CMIP: variants seen among roughly 807,000 people sequenced by gnomAD.
CMIP encodes the protein c-Maf inducing protein, also known as C-Maf-inducing protein.
In CMIP, 13 loss-of-function variants were observed where a neutral mutation model predicts 97.3. The observed-to-expected ratio is 0.13, with a 90% CI of 0.09 to 0.21. The LOEUF (loss-of-function observed/expected upper bound fraction) is 0.21. Ranked by LOEUF, CMIP falls within the 10% of genes least tolerant of loss-of-function variation. The pLI is 1.00. For missense variants in CMIP, 847 were observed against 1,024.9 expected, an observed-to-expected ratio of 0.83 and a Z score of 2.37; for synonymous variants, 538 against 436.3, an observed-to-expected ratio of 1.23 and a Z score of -2.91.
At chr16:81,669,281 A>T (rs2092652756) in intron 7 of CMIP, among the ~76,000 whole-genome samples, 1 of 76,860 alleles carries the variant, frequency 1.3e-5, no homozygotes, top group African/African-American at 5.6e-5. Context: ...CATCCACCTC[A>T]CACCTCCACA....
At position 81,683,438 on chromosome 16, in the gene CMIP, C is replaced by T. The variant is rs1156848289; in HGVS notation, c.1388+4810C>T. On this transcript the variant is annotated intron_variant, in intron 10 of 20. Coordinates refer to ENST00000537098, the MANE Select transcript of CMIP (RefSeq NM_198390.3). The stretch of plus-strand genomic sequence containing the variant: ...CTGGGAGGCAGGGCCAGGGGACATC[C>T]TGTATTACCTGCAGTAGTTCCGCTC... Among the ~76,000 whole-genome samples the T allele has an allele frequency of 3.3e-5, 5 of 152,266 alleles. No individual in the cohort carries two copies. In the East Asian group the frequency reaches 9.6e-4, roughly 29 times the overall value.
Position 81,512,225 on chromosome 16 carries a change from G to A in CMIP, c.300+66684G>A, listed in dbSNP as rs539282175. ...TTGGTTGATTTGGATTAAAATTTTC[G>A]GCATGATTCCTCTCTAGGTAGGTGT... On this transcript the variant is annotated intron_variant, in intron 1 of 20. Transcript: ENST00000537098. Among the ~76,000 whole-genome samples, 8 of 152,116 alleles carry A rather than the reference G, an allele frequency of 5.3e-5. No individual in the cohort carries two copies. The South Asian group carries it at 1.2e-3, about 24-fold the overall frequency.
intron 6 of CMIP, among the ~76,000 whole-genome samples, chr16:81,663,331 A>T (rs542624643): frequency 6.6e-6 from 1 of 152,098 alleles, no homozygotes; most frequent in East Asian, 1.9e-4. Flanking sequence ...GACCACGAAG[A>T]GAAAGGGGGA....
chr16:81,653,323 C>T (rs2092449514), intron 4 of CMIP, among the ~76,000 whole-genome samples: 1 of 152,204 alleles, frequency 6.6e-6, no homozygotes, highest in African/African-American at 2.4e-5. Flanking sequence ...TCTGCAGGCC[C>T]ACACTGGCCG....
At chr16:81,568,125 G>A (rs1253097540) in intron 1 of CMIP, among the ~76,000 whole-genome samples, 1 of 151,124 alleles carries the variant, frequency 6.6e-6, no homozygotes, top group African/African-American at 2.4e-5. Flanking sequence ...AGGTCCAGAG[G>A]GACCAGGGCC....
chr16:81,538,294 A>G (rs555104175), intron 1 of CMIP, among the ~76,000 whole-genome samples: 3 of 152,162 alleles, frequency 2.0e-5, no homozygotes, highest in Non-Finnish European at 2.9e-5. Flanking sequence ...CACTTAAGAC[A>G]TAGGCGGCCC....
chr16:81,496,074 G>A (rs1166639637), intron 1 of CMIP, among the ~76,000 whole-genome samples: 1 of 152,178 alleles, frequency 6.6e-6, no homozygotes, highest in Admixed American at 6.5e-5. Flanking sequence ...TGAAGATGCT[G>A]TGAATCCAGG....
intron 10 of CMIP, among the ~76,000 whole-genome samples, chr16:81,681,937 G>A (rs755878077): frequency 2.0e-5 from 3 of 152,146 alleles, no homozygotes; most frequent in Admixed American, 6.5e-5. Context: ...AGCCTGGTGC[G>A]GTGGCTCACG....
intron 1 of CMIP, among the ~76,000 whole-genome samples, chr16:81,496,541 T>C (rs2089494417): frequency 6.6e-6 from 1 of 152,362 alleles, no homozygotes; most frequent in South Asian, 2.1e-4. Flanking sequence ...TTTCATCCAG[T>C]GATAAAACCC....
rs1474565814 is a variant in CMIP at position 81,623,619 on chromosome 16, C to G, written c.477+2693C>G. 2.6e-5 allele frequency among the ~76,000 whole-genome samples: 4 copies of G among 152,300 alleles called. No individual in the cohort carries two copies. In the East Asian group the frequency reaches 5.8e-4, roughly 22 times the overall value. On this transcript the variant is annotated intron_variant, in intron 3 of 20. Coordinates refer to ENST00000537098, the MANE Select transcript of CMIP (RefSeq NM_198390.3). ...CAACTTGATCTCAATTCCTGTGGCT[C>G]TTTGTACCCAGTTTTGGTGATATTT...
chr16:81,506,085 C>T (rs1240947281), intron 1 of CMIP, among the ~76,000 whole-genome samples: 3 of 152,346 alleles, frequency 2.0e-5, no homozygotes, highest in East Asian at 1.9e-4. Flanking sequence ...AGTTTACACA[C>T]GTTGTCTCTA....
In CMIP at chr16:81,561,615, C is replaced by T. The variant is rs113039997; in HGVS notation, c.301-45952C>T. Reference sequence around the variant, plus strand: ...TTACAGAGGGCCTCGCAGACAATTGCCCCGGCCTTGAGTTTTCTGCGGAGT... The same window carrying T: ...TTACAGAGGGCCTCGCAGACAATTGTCCCGGCCTTGAGTTTTCTGCGGAGT... On this transcript the variant is annotated intron_variant, in intron 1 of 20. Transcript: ENST00000537098. Among the ~76,000 whole-genome samples, 32 of 152,228 alleles carry T rather than the reference C, an allele frequency of 2.1e-4. 1 individual carries two copies. Among genetic ancestry groups the T allele is most frequent in the African/African-American group, 7.0e-4 (29 of 41,532 alleles).
intron 1 of CMIP, among the ~76,000 whole-genome samples, chr16:81,565,455 C>T (rs1248513111): frequency 6.6e-5 from 10 of 152,220 alleles, no homozygotes; most frequent in Non-Finnish European, 1.5e-4. Flanking sequence ...CCTGGTAACA[C>T]AGGGCCGCCA....
chr16:81,468,511 G>T (rs1299057278), intron 1 of CMIP, among the ~76,000 whole-genome samples: 2 of 152,272 alleles, frequency 1.3e-5, no homozygotes, highest in Non-Finnish European at 1.5e-5. Context: ...AGGGGCCTGC[G>T]CGTGCCGTGC....
intron 1 of CMIP, among the ~76,000 whole-genome samples, chr16:81,539,536 A>G (rs1334344770): frequency 6.6e-6 from 1 of 151,894 alleles, no homozygotes; most frequent in East Asian, 1.9e-4. Context: ...TTTAGGAAAC[A>G]CTCCTTGTTC....
chr16:81,672,752 T>C (rs777172596), intron 9 of CMIP, among the ~76,000 whole-genome samples: 4 of 152,070 alleles, frequency 2.6e-5, no homozygotes, highest in Admixed American at 6.5e-5. Context: ...ATATTTAAAA[T>C]TTTTTTGTAA....
Position 81,537,973 on chromosome 16 carries a change from C to T in CMIP, c.301-69594C>T, listed in dbSNP as rs530811310. On this transcript the variant is annotated intron_variant, in intron 1 of 20. Coordinates refer to ENST00000537098, the MANE Select transcript of CMIP (RefSeq NM_198390.3). ...AGGCCGAGGCGGGTGGGAAGAGACC[C>T]GGCATTCCGGACAGAACAATAACAA... Among the ~76,000 whole-genome samples the T allele has an allele frequency of 9.8e-5, 15 of 152,364 alleles. No individual in the cohort carries two copies. The East Asian group carries it at 1.2e-3, about 12-fold the overall frequency.
At position 81,678,495 on chromosome 16, in the gene CMIP, A is replaced by T; in HGVS notation, c.1255A>T (p.Ser419Cys). ...CACTGCCAAGCCGGCGCTGACGGCCAGCGCAGGCAACGACAGCGAGCCCAA... is the reference window on the plus strand; with the variant it reads ...CACTGCCAAGCCGGCGCTGACGGCCTGCGCAGGCAACGACAGCGAGCCCAA... ...TSTAKPALTA[S>C]AGNDSEPNLI... is the part of the protein sequence containing the mutation. Residue 419 changes from serine to cysteine, a missense_variant, in exon 10 of 21, where the codon AGC becomes TGC. Physicochemically the swap from Ser to Cys is moderately radical, Grantham distance 112. Coordinates refer to ENST00000537098, the MANE Select transcript of CMIP (RefSeq NM_198390.3). The T allele has an allele frequency of 6.3e-7, 1 of 1,599,696 alleles. No homozygotes were observed. Among genetic ancestry groups the T allele is most frequent in the Non-Finnish European group, 8.5e-7 (1 of 1,173,976 alleles).
chr16:81,686,476 C>T (rs905095959), intron 10 of CMIP, among the ~76,000 whole-genome samples: 1 of 152,218 alleles, frequency 6.6e-6, no homozygotes. Flanking sequence ...AGTTCAGCTT[C>T]CTCACCGGCA....
Sources: gnomAD v4.1 joint callset for allele counts (sites outside exome capture counted in the v4.1 genomes callset) on GRCh38, gnomAD v4.1.1 for gene constraint, MANE v1.5 for transcripts, NCBI Gene and HGNC (gene_info 2026-07-23, HGNC 2026-07-21) for gene names.